Variants in LARGE1 observed in about 807,000 individuals in gnomAD.
LARGE1 encodes xylosyl- and glucuronyltransferase LARGE1.
A neutral mutation model predicts 87.6 loss-of-function variants in LARGE1; 43 were observed. That is an observed-to-expected ratio of 0.49 (90% CI 0.38 to 0.63). The LOEUF is 0.63. Ranked by LOEUF, LARGE1 falls within the 30% of genes least tolerant of loss-of-function variation. The pLI is 0.00. For missense variants in LARGE1, 802 were observed against 1,000.2 expected (o/e 0.80, Z 2.67); for synonymous variants, 434 against 394.6 (o/e 1.10, Z -1.18).
At chr22:33,915,062 G>GAC (rs149729644) in intron 1 of LARGE1, among the ~76,000 whole-genome samples, 210 of 151,058 alleles carry the variant, frequency 1.4e-3, no homozygotes, top group East Asian at 3.3e-3. Flanking sequence ...GAGAGAGAGA[G>GAC]AGGCTTCTAA....
At chr22:33,673,392 C>T (rs2081475296) in intron 2 of LARGE1, among the ~76,000 whole-genome samples, 1 of 152,154 alleles carries the variant, frequency 6.6e-6, no homozygotes, top group African/African-American at 2.4e-5. Context: ...AATTCATCCC[C>T]TCTCACCTCT....
intron 6 of LARGE1, among the ~76,000 whole-genome samples, chr22:33,513,832 C>CACACAT (rs2071168361): frequency 6.6e-6 from 1 of 151,798 alleles, no homozygotes; most frequent in Admixed American, 6.6e-5. Flanking sequence ...CACACACACA[C>CACACAT]ACACACACAC....
intron 1 of LARGE1, among the ~76,000 whole-genome samples, chr22:33,789,418 T>C (rs114328611): frequency 0.018 from 2,785 of 152,196 alleles, 80 homozygotes; most frequent in African/African-American, 0.062. Context: ...TAGGACAGTG[T>C]GGAATGGAAA....
At chr22:33,868,465 G>C (rs2064174506) in intron 1 of LARGE1, among the ~76,000 whole-genome samples, 1 of 152,086 alleles carries the variant, frequency 6.6e-6, no homozygotes, top group Admixed American at 6.6e-5. Flanking sequence ...TGGTGGGGAG[G>C]ACAGGGCTGA....
intron 2 of LARGE1, among the ~76,000 whole-genome samples, chr22:33,752,143 A>T (rs2084341958): frequency 6.6e-6 from 1 of 152,162 alleles, no homozygotes; most frequent in Non-Finnish European, 1.5e-5. Context: ...GCTATTATAA[A>T]TAACGCTGAT....
intron 11 of LARGE1, among the ~76,000 whole-genome samples, chr22:33,194,707 C>A (rs546367697): frequency 1.3e-5 from 2 of 152,290 alleles, no homozygotes; most frequent in East Asian, 3.9e-4. Context: ...AAGCCCCACC[C>A]TGCAGGCCAC....
At chr22:33,635,759 T>G (rs2080249836) in intron 3 of LARGE1, among the ~76,000 whole-genome samples, 1 of 152,218 alleles carries the variant, frequency 6.6e-6, no homozygotes, top group Non-Finnish European at 1.5e-5. Context: ...TATTAACATT[T>G]TTAAAACATA....
intron 5 of LARGE1, among the ~76,000 whole-genome samples, chr22:33,590,727 C>G (rs1189855771): frequency 3.9e-5 from 6 of 152,222 alleles, no homozygotes; most frequent in Non-Finnish European, 7.3e-5. Flanking sequence ...TTCCTTCCCA[C>G]TGCTGAGACA....
the LARGE1 span, among the ~76,000 whole-genome samples, chr22:33,130,952 T>C: frequency 1.4e-5 from 2 of 139,942 alleles, no homozygotes; most frequent in Non-Finnish European, 3.0e-5. Flanking sequence ...GAGAATGGCG[T>C]GAACCCGGGA....
chr22:33,680,566 AC>A (rs1361300254), intron 2 of LARGE1, among the ~76,000 whole-genome samples: 38 of 152,230 alleles, frequency 2.5e-4, no homozygotes, highest in Non-Finnish European at 2.9e-5. Context: ...TCCATATCAA[AC>A]CTTTGGGAAG....
intron 7 of LARGE1, among the ~76,000 whole-genome samples, chr22:33,399,843 C>T (rs1260903784): frequency 5.3e-5 from 8 of 152,228 alleles, no homozygotes; most frequent in East Asian, 1.9e-4. Flanking sequence ...CCACCACGCC[C>T]GGCCAACTTC....
At chr22:33,723,096 C>T (rs946723400) in intron 2 of LARGE1, among the ~76,000 whole-genome samples, 1 of 152,072 alleles carries the variant, frequency 6.6e-6, no homozygotes, top group South Asian at 2.1e-4. Flanking sequence ...ATACGAAAGG[C>T]TGGAGGATAA....
chr22:33,626,022 G>A (rs1289669651), intron 4 of LARGE1, among the ~76,000 whole-genome samples: 1 of 152,190 alleles, frequency 6.6e-6, no homozygotes, highest in East Asian at 1.9e-4. Flanking sequence ...GATTGCATTA[G>A]GTCTGAGAGT....
At chr22:33,271,010 C>T (rs1928214117), downstream of LARGE1, among the ~76,000 whole-genome samples, 1 of 152,126 alleles carries the variant, frequency 6.6e-6, no homozygotes, top group Non-Finnish European at 1.5e-5. Context: ...AATTACTATC[C>T]CCTAGAGTGG....
upstream of LARGE1, chr22:33,922,509 T>C (rs907022244): frequency 6.6e-6 from 1 of 151,948 alleles, no homozygotes; most frequent in Non-Finnish European, 1.5e-5. Flanking sequence ...CCCAGCAGAA[T>C]GCGAAAGGGA....
intron 11 of LARGE1, among the ~76,000 whole-genome samples, chr22:33,253,778 G>A (rs574064734): frequency 1.3e-5 from 2 of 152,284 alleles, no homozygotes; most frequent in African/African-American, 4.8e-5. Context: ...CCTCGGAGGG[G>A]AAGGCTGCCT....
chr22:33,863,014 T>C (rs1224480826), intron 1 of LARGE1, among the ~76,000 whole-genome samples: 1 of 152,166 alleles, frequency 6.6e-6, no homozygotes, highest in East Asian at 1.9e-4. Flanking sequence ...AGAAGTCAAT[T>C]AAGCTGTCCG....
chr22:33,441,796 G>A (rs1258490332), intron 6 of LARGE1, among the ~76,000 whole-genome samples: 1 of 152,170 alleles, frequency 6.6e-6, no homozygotes, highest in Non-Finnish European at 1.5e-5. Context: ...TTTCTCATGT[G>A]TAAAATGGTA....
At chr22:33,874,354 C>G (rs1309881325) in intron 1 of LARGE1, among the ~76,000 whole-genome samples, 2 of 152,192 alleles carry the variant, frequency 1.3e-5, no homozygotes, top group Non-Finnish European at 2.9e-5. Flanking sequence ...CTCCCCAGGA[C>G]ACCTCCTCTT....
Sources: gnomAD v4.1 joint callset for allele counts (sites outside exome capture counted in the v4.1 genomes callset) on GRCh38, gnomAD v4.1.1 for gene constraint, MANE v1.5 for transcripts, NCBI Gene and HGNC (gene_info 2026-07-23, HGNC 2026-07-21) for gene names.